MIPOL1: variants seen among roughly 807,000 people sequenced by gnomAD.
MIPOL1 encodes mirror-image polydactyly gene 1 protein.
Under a neutral mutation model 60.9 loss-of-function variants are expected in MIPOL1, and 57 were observed. The observed-to-expected ratio is 0.94, with a 90% CI of 0.76 to 1.17. The LOEUF is 1.17. MIPOL1 is among the 50% of genes most tolerant of loss of function. The probability of loss-of-function intolerance (pLI) is 0.00; values close to 1 mark genes in which losing one functional copy is unlikely to be tolerated. For missense variants in MIPOL1, 551 were observed against 511.6 expected (o/e 1.08, Z -0.74); for synonymous variants, 179 against 168.8 (o/e 1.06, Z -0.47).
intron 12 of MIPOL1, among the ~76,000 whole-genome samples, chr14:37,517,879 A>G (rs2095382396): frequency 6.6e-6 from 1 of 152,186 alleles, no homozygotes; most frequent in Non-Finnish European, 1.5e-5. Context: ...AGATACAGGC[A>G]AGGATGGGAG....
chr14:37,379,256 C>G (rs1173311784), intron 10 of MIPOL1, among the ~76,000 whole-genome samples: 1 of 152,038 alleles, frequency 6.6e-6, no homozygotes, highest in Admixed American at 6.6e-5. Context: ...ACTGGCTATT[C>G]ATATGCAAAA....
intron 9 of MIPOL1, among the ~76,000 whole-genome samples, chr14:37,337,595 C>T (rs1032137146): frequency 6.6e-6 from 1 of 151,328 alleles, no homozygotes; most frequent in South Asian, 2.1e-4. Context: ...GTCTCGAATT[C>T]CTGACCTCGT....
chr14:37,237,365 G>A (rs1362510794), intron 1 of MIPOL1, among the ~76,000 whole-genome samples: 4 of 152,100 alleles, frequency 2.6e-5, no homozygotes, highest in African/African-American at 9.7e-5. Context: ...GTAGGGGATG[G>A]GGGAAGAGCA....
chr14:37,216,037 T>C (rs1386958032), intron 1 of MIPOL1, among the ~76,000 whole-genome samples: 2 of 132,190 alleles, frequency 1.5e-5, no homozygotes, highest in Non-Finnish European at 3.1e-5. Context: ...CACTCCAGCC[T>C]GGGTGACAGA....
At chr14:37,407,842 CTTCTTTTTTTTTTTTTT>C (rs1274160341) in intron 10 of MIPOL1, among the ~76,000 whole-genome samples, 2 of 58,056 alleles carry the variant, frequency 3.4e-5, no homozygotes, top group Admixed American at 3.0e-4. Context: ...TCTTCTTCTT[CTTCTTTTTTTTTTTTTT>C]TTTTTTTGGA....
rs975302113 is a variant in MIPOL1 at position 37,471,687 on chromosome 14, A to G, written c.1032-28221A>G. Among the ~76,000 whole-genome samples, 8 of 152,170 alleles carry G rather than the reference A, an allele frequency of 5.3e-5. No homozygotes were observed. In the South Asian group the frequency reaches 6.2e-4, roughly 12 times the overall value. ...ATCTGATCCCAACCACTTTTTTTTA[A>G]TGCTCTCTGAACACTGCCTAACTGG... On this transcript the variant is annotated intron_variant, in intron 11 of 12. Coordinates refer to ENST00000684589, the MANE Select transcript of MIPOL1 (RefSeq NM_001388067.1).
chr14:37,340,501 G>A (rs1194645300), intron 9 of MIPOL1, among the ~76,000 whole-genome samples: 1 of 152,026 alleles, frequency 6.6e-6, no homozygotes, highest in African/African-American at 2.4e-5. Flanking sequence ...CTTGCATCCA[G>A]GAGTTCAAGA....
intron 10 of MIPOL1, among the ~76,000 whole-genome samples, chr14:37,415,784 A>C (rs2093757933): frequency 6.6e-6 from 1 of 152,120 alleles, no homozygotes; most frequent in Non-Finnish European, 1.5e-5. Context: ...AAGTGATGTA[A>C]CATTTTCCTC....
chr14:37,318,986 A>G (rs897862436), intron 9 of MIPOL1, among the ~76,000 whole-genome samples: 10 of 151,986 alleles, frequency 6.6e-5, no homozygotes, highest in African/African-American at 2.4e-4. Flanking sequence ...CAACAGGCAC[A>G]CACTACCATG....
chr14:37,233,733 G>C (rs548848215), intron 1 of MIPOL1, among the ~76,000 whole-genome samples: 17 of 152,296 alleles, frequency 1.1e-4, no homozygotes, highest in African/African-American at 4.1e-4. Context: ...GCATTGCTGT[G>C]GGGGAGGAGG....
chr14:37,443,377 T>G (rs777965614), intron 11 of MIPOL1, among the ~76,000 whole-genome samples: 7 of 141,316 alleles, frequency 5.0e-5, no homozygotes, highest in Admixed American at 2.3e-4. Flanking sequence ...GAGGATTGCC[T>G]GAGCCCAAGA....
chr14:37,442,077 T>G (rs1228144909), intron 11 of MIPOL1, among the ~76,000 whole-genome samples: 1 of 146,698 alleles, frequency 6.8e-6, no homozygotes, highest in Non-Finnish European at 1.5e-5. Flanking sequence ...TTTCATTCTC[T>G]TTCTACTTTG....
intron 11 of MIPOL1, among the ~76,000 whole-genome samples, chr14:37,470,196 G>A (rs4900882): frequency 0.99 from 151,214 of 152,264 alleles, 75,094 homozygotes; most frequent in Middle Eastern, 1. Flanking sequence ...GAATGGTCAC[G>A]TGGAGATGTT....
In MIPOL1 at chr14:37,238,202, A is replaced by G. The variant is rs150970815; in HGVS notation, c.-198-8901A>G. ...TATATTCTCTTTTATTTTGCAATACATGTTTTAACTGTTTGTTATAAACGA... is the reference window on the plus strand; with the variant it reads ...TATATTCTCTTTTATTTTGCAATACGTGTTTTAACTGTTTGTTATAAACGA... On this transcript the variant is annotated intron_variant, in intron 1 of 12. Transcript: ENST00000684589. Among the ~76,000 whole-genome samples, 450 of 152,326 alleles carry G rather than the reference A, an allele frequency of 3.0e-3. 3 individuals carry two copies. Among genetic ancestry groups the G allele is most frequent in the African/African-American group, 0.01 (426 of 41,574 alleles).
At chr14:37,463,703 G>T (rs1223471479) in intron 11 of MIPOL1, among the ~76,000 whole-genome samples, 1 of 152,018 alleles carries the variant, frequency 6.6e-6, no homozygotes, top group African/African-American at 2.4e-5. Context: ...CCTAAGCAAA[G>T]ATTTTATAAC....
intron 12 of MIPOL1, among the ~76,000 whole-genome samples, chr14:37,521,630 A>G (rs1368736489): frequency 1.3e-5 from 2 of 152,146 alleles, no homozygotes; most frequent in Non-Finnish European, 2.9e-5. Flanking sequence ...CATGTTGGCC[A>G]GTTCTCTTCA....
chr14:37,207,653 C>G (rs1464416894), intron 1 of MIPOL1, among the ~76,000 whole-genome samples: 7 of 152,216 alleles, frequency 4.6e-5, no homozygotes, highest in South Asian at 4.2e-4. Flanking sequence ...TCATGCGATT[C>G]TTGTGCTTCA....
intron 9 of MIPOL1, among the ~76,000 whole-genome samples, chr14:37,317,479 C>T (rs921024323): frequency 2.6e-5 from 4 of 152,036 alleles, no homozygotes; most frequent in Non-Finnish European, 4.4e-5. Context: ...TTGATTTTAA[C>T]TAAGACTGAG....
chr14:37,442,088 TTG>T (rs3985271), intron 11 of MIPOL1, among the ~76,000 whole-genome samples: 15,687 of 143,566 alleles, frequency 0.11, 827 homozygotes, highest in South Asian at 0.18. Context: ...TTCTACTTTG[TTG>T]TGTGTGTGTG....
Sources: allele counts gnomAD v4.1 joint callset (sites outside exome capture counted in the v4.1 genomes callset), GRCh38; gene constraint gnomAD v4.1.1; transcripts MANE v1.5; gene names NCBI Gene and HGNC (gene_info 2026-07-23, HGNC 2026-07-21).